Variants in CSMD2 observed in about 807,000 individuals in gnomAD.
CSMD2 encodes the protein CUB and Sushi multiple domains 2.
A neutral mutation model predicts 398.5 loss-of-function variants in CSMD2; 130 were observed. That is an observed-to-expected ratio of 0.33 (90% CI 0.28 to 0.38). CSMD2 has a LOEUF of 0.38. Among genes scored for constraint, CSMD2 ranks in the 10% least tolerant of loss-of-function variants. The pLI is 1.00. For synonymous variants in CSMD2, 1,828 were observed against 1,908.5 expected (o/e 0.96, Z 1.10); for missense variants, 3,829 against 4,764.9 (o/e 0.80, Z 5.78).
intron 25 of CSMD2, among the ~76,000 whole-genome samples, chr1:33,684,701 C>T (rs1645010309): frequency 9.2e-5 from 14 of 152,194 alleles, no homozygotes; most frequent in Admixed American, 9.2e-4. Context: ...ATCTTCCTCC[C>T]TTTCACATGC....
At chr1:33,874,146 C>T (rs1455905553) in intron 5 of CSMD2, among the ~76,000 whole-genome samples, 1 of 152,190 alleles carries the variant, frequency 6.6e-6, no homozygotes, top group Non-Finnish European at 1.5e-5. Flanking sequence ...AGGGATCTTG[C>T]CTTATTCATC....
chr1:33,534,002 G>T, intron 62 of CSMD2, 95 bp from the exon 63 acceptor site: 1 of 693,636 alleles, frequency 1.4e-6, no homozygotes, highest in Non-Finnish European at 2.5e-6. Flanking sequence ...AACTCCTCCC[G>T]CACTGTTGCC....
At chr1:34,038,055 G>T (rs1482253169) in intron 2 of CSMD2, among the ~76,000 whole-genome samples, 1 of 152,176 alleles carries the variant, frequency 6.6e-6, no homozygotes, top group Non-Finnish European at 1.5e-5. Context: ...AGCTAAGGCT[G>T]GGGGAGGGGA....
intron 10 of CSMD2, among the ~76,000 whole-genome samples, chr1:33,793,899 G>T (rs1377095795): frequency 6.6e-6 from 1 of 152,088 alleles, no homozygotes; most frequent in Non-Finnish European, 1.5e-5. Context: ...CATTCATAAG[G>T]ACAGGACACA....
At chr1:33,788,199 T>C (rs752831638) in intron 12 of CSMD2, among the ~76,000 whole-genome samples, 1 of 152,022 alleles carries the variant, frequency 6.6e-6, no homozygotes, top group Non-Finnish European at 1.5e-5. Flanking sequence ...GGGAGGAAGC[T>C]AGTGCAGGGG....
intron 55 of CSMD2, among the ~76,000 whole-genome samples, chr1:33,557,500 G>A (rs1216024598): frequency 1.3e-5 from 2 of 152,250 alleles, no homozygotes; most frequent in Non-Finnish European, 2.9e-5. Flanking sequence ...CCTCTAGCTA[G>A]GAAAGTGAGA....
chr1:33,810,609 TAA>T, intron 10 of CSMD2, 132 bp downstream of exon 10: 4 of 731,310 alleles, frequency 5.5e-6, no homozygotes, highest in Non-Finnish European at 8.3e-6. Context: ...TCGATATTAA[TAA>T]AAAAAAAAGT....
At chr1:34,048,790 T>C (rs1176380325) in intron 2 of CSMD2, among the ~76,000 whole-genome samples, 1 of 152,132 alleles carries the variant, frequency 6.6e-6, no homozygotes, top group African/African-American at 2.4e-5. Context: ...CTAAACATAT[T>C]ATTATCAGCT....
intron 5 of CSMD2, among the ~76,000 whole-genome samples, chr1:33,875,097 T>C (rs1367622542): frequency 6.6e-6 from 1 of 152,206 alleles, no homozygotes; most frequent in Admixed American, 6.5e-5. Flanking sequence ...CACCCCTCTA[T>C]GCTGTCTAAA....
Position 33,536,362 on chromosome 1 carries a change from T to C in CSMD2, c.9879+660A>G, listed in dbSNP as rs889683877. On this transcript the variant is annotated intron_variant, in intron 62 of 70. Coordinates refer to ENST00000373381, the MANE Select transcript of CSMD2 (RefSeq NM_001281956.2). ...CCTCAGCCTCCCGAGTAGCTGGGAC[T>C]ACAGGCGCCCGCCACCATGCCCGGC... is the stretch of plus-strand genomic sequence containing the variant. Among the ~76,000 whole-genome samples, 3 of 152,230 alleles carry C rather than the reference T, an allele frequency of 2.0e-5. No homozygotes were observed. In the East Asian group the frequency reaches 5.8e-4, roughly 29 times the overall value.
chr1:33,902,464 C>T (rs1032722517), intron 5 of CSMD2, among the ~76,000 whole-genome samples: 3 of 152,178 alleles, frequency 2.0e-5, no homozygotes, highest in Non-Finnish European at 1.5e-5. Flanking sequence ...TTGGTGCACA[C>T]GAATCCACAG....
intron 12 of CSMD2, among the ~76,000 whole-genome samples, chr1:33,781,872 AC>A (rs531069763): frequency 1.3e-4 from 20 of 151,804 alleles, no homozygotes; most frequent in African/African-American, 4.6e-4. Flanking sequence ...TCAGATATTG[AC>A]AGATCAGGAG....
Position 33,633,517 on chromosome 1 carries a change from G to A in CSMD2, c.5105C>T (p.Ala1702Val), listed in dbSNP as rs1416289954. The A allele has an allele frequency of 3.9e-6, 6 of 1,552,658 alleles. No individual in the cohort carries two copies. The highest frequency in any genetic ancestry group is 5.2e-6 in the Non-Finnish European group (6 of 1,147,402). ...GTCGTTGAGGGCCGTGTGAAAGAAG[G>A]CGAACTGGCCAAACACCACTGTGGA... ...PKDYVVFGQF[A>V]FFHTALNDVV... The change falls in exon 32 of 71, where the codon GCC becomes GTC. Residue 1702 changes from alanine to valine, a missense_variant. Physicochemically the swap from Ala to Val is moderately conservative, Grantham distance 64 (BLOSUM62 0). Transcript: ENST00000373381. The surrounding 1 kb of genome is among the most constrained non-coding windows in gnomAD (Gnocchi z 5.0).
rs553625585 is a variant in CSMD2, at chr1:33,863,537, C to T, written c.921-16541G>A. 3.3e-5 allele frequency: 5 copies of T among 152,330 alleles called. No individual in the cohort carries two copies. The East Asian group carries it at 9.6e-4, about 29-fold the overall frequency. The allele number at this position is 152,330 out of a possible 1,614,324, so 9.4% of individuals were successfully genotyped here. ...CCAAGTGCTCAGGTTTTAAATTAGA[C>T]AACTTTGTCCTGACAGGAACCAAGT... is the stretch of plus-strand genomic sequence containing the variant. On this transcript the variant is annotated intron_variant, in intron 5 of 70. Transcript: ENST00000373381.
intron 3 of CSMD2, among the ~76,000 whole-genome samples, chr1:33,990,876 G>A (rs1646529852): frequency 6.6e-6 from 1 of 152,038 alleles, no homozygotes; most frequent in African/African-American, 2.4e-5. Context: ...TCTGATTTTG[G>A]ATAAAAATGA....
intron 3 of CSMD2, among the ~76,000 whole-genome samples, chr1:34,017,263 A>T (rs1447648351): frequency 6.6e-6 from 1 of 152,208 alleles, no homozygotes; most frequent in Non-Finnish European, 1.5e-5. Flanking sequence ...TACTTTTAAC[A>T]TCTTTCCATT....
Position 33,955,663 on chromosome 1 carries a change from G to A in CSMD2, c.518-19709C>T, listed in dbSNP as rs188137958. Among the ~76,000 whole-genome samples the A allele has an allele frequency of 2.6e-3, 395 of 152,304 alleles. 4 individuals carry two copies. Among genetic ancestry groups the A allele is most frequent in the Non-Finnish European group, 1.8e-3 (124 of 68,032 alleles). ...ATATTGTAGGGTTGTGGTGAGGATT[G>A]ATAAAATGTCATGTGTGAAGGGCTT... On this transcript the variant is annotated intron_variant, in intron 3 of 70. Coordinates refer to ENST00000373381, the MANE Select transcript of CSMD2 (RefSeq NM_001281956.2).
chr1:34,030,334 A>G (rs892905504), intron 3 of CSMD2, among the ~76,000 whole-genome samples: 1 of 152,244 alleles, frequency 6.6e-6, no homozygotes, highest in Admixed American at 6.5e-5. Flanking sequence ...TTGGCTTTGC[A>G]TAGGGTCTCT....
At chr1:34,019,182 C>G (rs1648550221) in intron 3 of CSMD2, among the ~76,000 whole-genome samples, 1 of 152,124 alleles carries the variant, frequency 6.6e-6, no homozygotes, top group South Asian at 2.1e-4. Context: ...TGGTAAGAGC[C>G]CCAGCAATGC....
Sources: gnomAD v4.1 joint callset for allele counts (sites outside exome capture counted in the v4.1 genomes callset) on GRCh38, gnomAD v4.1.1 for gene constraint, Gnocchi (gnomAD v3.1) non-coding constraint, MANE v1.5 for transcripts, NCBI Gene and HGNC (gene_info 2026-07-23, HGNC 2026-07-21) for gene names.